Variants in SEC31A observed in about 807,000 individuals in gnomAD.
SEC31A encodes protein transport protein Sec31A.
A neutral mutation model predicts 151.0 loss-of-function variants in SEC31A; 70 were observed. The ratio of observed to expected loss-of-function variants is 0.46; its 90% CI spans 0.38 to 0.57. The LOEUF is 0.57. Ranked by LOEUF, SEC31A falls within the 20% of genes least tolerant of loss-of-function variation. The pLI, the probability that SEC31A is intolerant of heterozygous loss-of-function variation, is 0.00. For missense variants in SEC31A, 1,330 were observed against 1,471.2 expected (o/e 0.90, Z 1.57); for synonymous variants, 475 against 505.9 (o/e 0.94, Z 0.82).
At chr4:82,890,943 G>T in intron 1 of SEC31A, 145 bp downstream of exon 1, 1 of 1,439,524 alleles carries the variant, frequency 6.9e-7, no homozygotes, top group South Asian at 1.4e-5. Flanking sequence ...CCGAAACCAA[G>T]ACTAGGGGCG....
At chr4:82,853,506 T>G in intron 18 of SEC31A, 64 bp downstream of exon 18, 1 of 1,339,208 alleles carries the variant, frequency 7.5e-7, no homozygotes, top group South Asian at 1.5e-5. Context: ...AGATTATAAC[T>G]TGATGATAAG....
At position 82,867,218 on chromosome 4, in the gene SEC31A, A is replaced by T; in HGVS notation, c.981T>A (p.Arg327=). The T allele has an allele frequency of 6.2e-7, 1 of 1,613,972 alleles. No homozygotes were observed. Among genetic ancestry groups the T allele is most frequent in the Non-Finnish European group, 8.5e-7 (1 of 1,179,810 alleles). Residue 327 remains arginine (R), a synonymous_variant, in exon 9 of 27, where the codon CGT becomes CGA. Transcript: ENST00000395310. ...AVLSAASFDG[R]ISVYSIMGGS... is the part of the protein sequence containing the mutation. ...CTCCCATGATAGAATAAACACTGAT[A>T]CGCCCATCAAACGAAGCAGCTGATA... is the stretch of plus-strand genomic sequence containing the variant.
Position 82,870,313 on chromosome 4 carries a change from T to C in SEC31A, c.882+12A>G, listed in dbSNP as rs1211396036. 2 of 1,601,278 alleles carry C rather than the reference T, an allele frequency of 1.2e-6. No homozygotes were observed. The highest frequency in any genetic ancestry group is 1.7e-6 in the Non-Finnish European group (2 of 1,168,940). ...AAGGGCTACAAGGTTGAGACACATTTCCTGCCCATACCTCTCCTGTGTTTG... is the reference window on the plus strand; with the variant it reads ...AAGGGCTACAAGGTTGAGACACATTCCCTGCCCATACCTCTCCTGTGTTTG... On this transcript the variant is annotated intron_variant, in intron 8 of 26. Transcript: ENST00000395310.
intron 6 of SEC31A, 34 bp from the exon 7 acceptor site, chr4:82,872,120 A>G: frequency 1.3e-6 from 2 of 1,550,228 alleles, no homozygotes; most frequent in Non-Finnish European, 1.8e-6. Context: ...TTTATGAATC[A>G]AATTACTTTA....
At chr4:82,891,499 A>G (rs1322449361), upstream of SEC31A, among the ~76,000 whole-genome samples, 2 of 152,198 alleles carry the variant, frequency 1.3e-5, no homozygotes, top group African/African-American at 4.8e-5. Context: ...GCCCGCAGGA[A>G]CGCCACGTAG....
At chr4:82,859,143 A>G (rs1733490056) in intron 14 of SEC31A, among the ~76,000 whole-genome samples, 1 of 152,186 alleles carries the variant, frequency 6.6e-6, no homozygotes, top group Admixed American at 6.5e-5. Flanking sequence ...AAAAAAAATC[A>G]CATGGTACCC....
chr4:82,843,779 T>C (rs867666234), intron 21 of SEC31A: 3 of 152,198 alleles, frequency 2.0e-5, no homozygotes, highest in South Asian at 4.1e-4. Context: ...CATTACACAT[T>C]TGTTAAAATC....
At chr4:82,840,728 G>A (rs1369178409) in intron 22 of SEC31A, among the ~76,000 whole-genome samples, 4 of 152,152 alleles carry the variant, frequency 2.6e-5, no homozygotes, top group Admixed American at 6.5e-5. Context: ...TGTACATCAT[G>A]TTACTGTACT....
intron 22 of SEC31A, among the ~76,000 whole-genome samples, chr4:82,835,848 T>C (rs956251565): frequency 6.6e-6 from 1 of 152,204 alleles, no homozygotes; most frequent in African/African-American, 2.4e-5. Flanking sequence ...GTTATGATCC[T>C]AATTCTTTAA....
intron 19 of SEC31A, among the ~76,000 whole-genome samples, chr4:82,851,194 A>G (rs938085819): frequency 2.0e-5 from 3 of 152,248 alleles, no homozygotes; most frequent in Admixed American, 1.3e-4. Context: ...TTCCTAAAAT[A>G]CTATGTCGGT....
At position 82,848,990 on chromosome 4, in the gene SEC31A, G is replaced by C; in HGVS notation, c.2329-13C>G. On this transcript the variant is annotated splice_polypyrimidine_tract_variant and intron_variant, in intron 19 of 26. Transcript: ENST00000395310. The stretch of plus-strand genomic sequence containing the variant: ...GCATGATATTTGGCTAAAAAGGATT[G>C]GAAAAACAGCAGACTGTTGAGAGTT... The C allele has an allele frequency of 6.2e-7, 1 of 1,608,506 alleles. No individual in the cohort carries two copies. Among genetic ancestry groups the C allele is most frequent in the Non-Finnish European group, 8.5e-7 (1 of 1,177,688 alleles).
At chr4:82,898,765 C>T (rs943927183) in intron 3 of SEC31A, among the ~76,000 whole-genome samples, 1 of 152,190 alleles carries the variant, frequency 6.6e-6, no homozygotes, top group African/African-American at 2.4e-5. Flanking sequence ...GCAGCCTCAT[C>T]CACTGCTGGT....
chr4:82,891,398 G>A (rs1578429027), upstream of SEC31A: 12 of 590,272 alleles, frequency 2.0e-5, no homozygotes, highest in East Asian at 3.4e-4. Context: ...TTTTCTGAGG[G>A]GCGGCGCGCA....
chr4:82,825,963 C>T (rs1232218852), intron 24 of SEC31A, among the ~76,000 whole-genome samples: 1 of 152,196 alleles, frequency 6.6e-6, no homozygotes, highest in African/African-American at 2.4e-5. Context: ...GTGCCACTCA[C>T]TGATAACAGG....
intron 1 of SEC31A, among the ~76,000 whole-genome samples, chr4:82,889,266 T>G (rs1327010701): frequency 6.6e-6 from 1 of 152,124 alleles, no homozygotes; most frequent in Non-Finnish European, 1.5e-5. Flanking sequence ...TCTAGTAATA[T>G]CCCCTTACAG....
At position 82,841,442 on chromosome 4, in the gene SEC31A, TTATATATATA is replaced by T. The variant is rs58373170; in HGVS notation, c.2968+688_2968+697del. Among the ~76,000 whole-genome samples the T allele has an allele frequency of 7.5e-3, 484 of 64,428 alleles. 19 individuals carry two copies. The highest frequency in any genetic ancestry group is 0.017 in the African/African-American group (427 of 25,726). The allele number at this position is 64,428 out of a possible 152,430, so 42.3% of individuals were successfully genotyped here. ...CATCTCAAAAAAGAAAAAAAAAATT[TTATATATATA>T]TATATATATATATATACACACACAC... On this transcript the variant is annotated intron_variant, in intron 22 of 26. Coordinates refer to ENST00000395310, the MANE Select transcript of SEC31A (RefSeq NM_001077207.4).
chr4:82,865,581 T>TATATATATATATATAC (rs1553932978), intron 10 of SEC31A, among the ~76,000 whole-genome samples: 1 of 96,498 alleles, frequency 1.0e-5, no homozygotes, highest in Admixed American at 1.2e-4. Flanking sequence ...TATATATATA[T>TATATATATATATATAC]ATACAATGCA....
chr4:82,884,407 C>A (rs1409316078), intron 1 of SEC31A, among the ~76,000 whole-genome samples: 1 of 152,050 alleles, frequency 6.6e-6, no homozygotes, highest in African/African-American at 2.4e-5. Flanking sequence ...AAGCTATATG[C>A]TTTATCTTTT....
intron 1 of SEC31A, among the ~76,000 whole-genome samples, chr4:82,883,917 G>C (rs1309476571): frequency 6.6e-6 from 1 of 150,748 alleles, no homozygotes; most frequent in Non-Finnish European, 1.5e-5. Flanking sequence ...ATGACTATGG[G>C]TAAACATATT....
Sources: allele counts gnomAD v4.1 joint callset (sites outside exome capture counted in the v4.1 genomes callset), GRCh38; gene constraint gnomAD v4.1.1; transcripts MANE v1.5; gene names NCBI Gene and HGNC (gene_info 2026-07-23, HGNC 2026-07-21).